GPC6: variants seen among roughly 807,000 people sequenced by gnomAD.
GPC6 encodes the protein glypican-6.
Under a neutral mutation model 55.2 loss-of-function variants are expected in GPC6, and 14 were observed. That is an observed-to-expected ratio of 0.25 (90% CI 0.17 to 0.40). The LOEUF is 0.40. GPC6 is among the 10% of genes least tolerant of loss of function. The probability of loss-of-function intolerance (pLI) is 1.00; values close to 1 mark genes in which losing one functional copy is unlikely to be tolerated. For missense variants in GPC6, 641 were observed against 708.5 expected (o/e 0.90, Z 1.08); for synonymous variants, 278 against 259.6 (o/e 1.07, Z -0.68).
At chr13:94,307,982 A>G (rs1287092677) in intron 6 of GPC6, among the ~76,000 whole-genome samples, 1 of 152,184 alleles carries the variant, frequency 6.6e-6, no homozygotes, top group African/African-American at 2.4e-5. Context: ...GCAGCTAACA[A>G]TAGTGTATTG....
intron 1 of GPC6, among the ~76,000 whole-genome samples, chr13:93,385,328 G>T (rs1875352946): frequency 6.6e-6 from 1 of 152,270 alleles, no homozygotes; most frequent in Non-Finnish European, 1.5e-5. Context: ...GCCCTGTCAT[G>T]CCGCCTTTCA....
At chr13:94,230,308 G>A (rs769562879) in intron 4 of GPC6, among the ~76,000 whole-genome samples, 2 of 152,080 alleles carry the variant, frequency 1.3e-5, no homozygotes, top group African/African-American at 4.8e-5. Flanking sequence ...TCACATGGCT[G>A]GATTCCCTGT....
intron 3 of GPC6, among the ~76,000 whole-genome samples, chr13:93,900,714 G>T (rs1044600362): frequency 5.3e-5 from 8 of 151,904 alleles, no homozygotes; most frequent in African/African-American, 1.7e-4. Context: ...CATAGTATTT[G>T]GAAAAATTTG....
chr13:94,136,947 A>G (rs1887205012), intron 4 of GPC6, among the ~76,000 whole-genome samples: 1 of 152,224 alleles, frequency 6.6e-6, no homozygotes, highest in African/African-American at 2.4e-5. Flanking sequence ...GGTAGGAAGT[A>G]TAGACATTTG....
chr13:93,988,775 G>A (rs1184378911), intron 3 of GPC6, among the ~76,000 whole-genome samples: 6 of 152,166 alleles, frequency 3.9e-5, no homozygotes, highest in South Asian at 4.2e-4. Flanking sequence ...GGGATTACGG[G>A]GGACACAAAC....
rs545103498 is a variant in GPC6 at position 94,113,915 on chromosome 13, G to T, written c.877+86021G>T. 2.0e-5 allele frequency among the ~76,000 whole-genome samples: 3 copies of T among 150,892 alleles called. No individual in the cohort carries two copies. The East Asian group carries it at 5.9e-4, about 30-fold the overall frequency. Reference sequence around the variant, plus strand: ...CACATGTCTGTAGTCCCAGCTACTTGGAAGGCTGAGGCACGAGAATCACTT... The same window carrying T: ...CACATGTCTGTAGTCCCAGCTACTTTGAAGGCTGAGGCACGAGAATCACTT... On this transcript the variant is annotated intron_variant, in intron 4 of 8. Coordinates refer to ENST00000377047, the MANE Select transcript of GPC6 (RefSeq NM_005708.5).
chr13:94,346,609 G>A (rs1594191875), intron 6 of GPC6, among the ~76,000 whole-genome samples: 1 of 151,614 alleles, frequency 6.6e-6, no homozygotes, highest in East Asian at 1.9e-4. Context: ...GTAATCCCAG[G>A]TATGCGGAAG....
chr13:94,085,676 A>T (rs1167223228), intron 4 of GPC6, among the ~76,000 whole-genome samples: 1 of 152,218 alleles, frequency 6.6e-6, no homozygotes, highest in African/African-American at 2.4e-5. Flanking sequence ...GAGTAATCAC[A>T]GCCACTGTAT....
At chr13:93,279,196 TTGCCAGACCTCAC>T (rs1877863986) in intron 1 of GPC6, among the ~76,000 whole-genome samples, 2 of 152,190 alleles carry the variant, frequency 1.3e-5, no homozygotes, top group African/African-American at 4.8e-5. Context: ...CTGACACAGA[TTGCCAGACCTCAC>T]TGCCAGAACT....
chr13:94,114,484 G>C (rs931434247), intron 4 of GPC6, among the ~76,000 whole-genome samples: 2 of 152,108 alleles, frequency 1.3e-5, no homozygotes, highest in African/African-American at 4.8e-5. Flanking sequence ...TAGAAAGTGG[G>C]AAAGGCAGAC....
chr13:94,284,913 A>C (rs1892487858), intron 4 of GPC6, among the ~76,000 whole-genome samples: 1 of 151,482 alleles, frequency 6.6e-6, no homozygotes, highest in South Asian at 2.1e-4. Flanking sequence ...GCAAATTTTT[A>C]AGTTTGCAAA....
intron 1 of GPC6, among the ~76,000 whole-genome samples, chr13:93,388,837 A>G (rs192632664): frequency 1.2e-4 from 19 of 152,222 alleles, no homozygotes; most frequent in East Asian, 9.7e-4. Flanking sequence ...TTTTACTTCT[A>G]TTTCCCTGGC....
intron 4 of GPC6, among the ~76,000 whole-genome samples, chr13:94,122,730 A>G (rs1247244126): frequency 1.3e-5 from 2 of 152,102 alleles, no homozygotes; most frequent in Non-Finnish European, 2.9e-5. Context: ...TCCATATTTT[A>G]AATTGCTGCA....
intron 4 of GPC6, among the ~76,000 whole-genome samples, chr13:94,163,490 C>T (rs548463561): frequency 1.3e-5 from 2 of 152,230 alleles, no homozygotes; most frequent in South Asian, 2.1e-4. Context: ...ATCTTTAAAA[C>T]ATTTTTAAAA....
chr13:93,975,258 T>C (rs1283393409), intron 3 of GPC6, among the ~76,000 whole-genome samples: 2 of 152,310 alleles, frequency 1.3e-5, no homozygotes, highest in East Asian at 3.9e-4. Context: ...AAAAAGAAAT[T>C]ATGTTAAACT....
At chr13:93,651,251 TA>T (rs1880395590) in intron 2 of GPC6, among the ~76,000 whole-genome samples, 1 of 150,240 alleles carries the variant, frequency 6.7e-6, no homozygotes, top group African/African-American at 2.4e-5. Context: ...GGAATCTACC[TA>T]TTTTTTTTTT....
chr13:93,274,128 T>C, intron 1 of GPC6, among the ~76,000 whole-genome samples: 1 of 152,342 alleles, frequency 6.6e-6, no homozygotes, highest in Admixed American at 6.5e-5. Context: ...TGAGTTAAGC[T>C]GTCTTCCTAC....
chr13:94,400,048 A>C (rs1354561704), intron 8 of GPC6, among the ~76,000 whole-genome samples: 2 of 152,212 alleles, frequency 1.3e-5, no homozygotes, highest in Non-Finnish European at 2.9e-5. Context: ...GAGGTTATGC[A>C]CATATCAAGC....
intron 1 of GPC6, among the ~76,000 whole-genome samples, chr13:93,361,883 G>T (rs1881053433): frequency 6.6e-6 from 1 of 152,174 alleles, no homozygotes; most frequent in Non-Finnish European, 1.5e-5. Context: ...ACAACTGGGA[G>T]AATTTCAAGA....
Sources: gnomAD v4.1 joint callset for allele counts (sites outside exome capture counted in the v4.1 genomes callset) on GRCh38, gnomAD v4.1.1 for gene constraint, MANE v1.5 for transcripts, NCBI Gene and HGNC (gene_info 2026-07-23, HGNC 2026-07-21) for gene names.